The following MTMR6 variants were observed in gnomAD, a reference collection of about 807,000 sequenced individuals.
MTMR6 encodes phosphatidylinositol-3,5-bisphosphate 3-phosphatase MTMR6.
In MTMR6, 47 loss-of-function variants were observed where a neutral mutation model predicts 80.1. The observed-to-expected ratio is 0.59, with a 90% CI of 0.46 to 0.75. MTMR6 has a LOEUF of 0.75. MTMR6 is among the 30% of genes least tolerant of loss of function. The pLI, the probability that MTMR6 is intolerant of heterozygous loss-of-function variation, is 0.00. For synonymous variants in MTMR6, 254 were observed against 253.0 expected (o/e 1.00, Z -0.04); for missense variants, 629 against 730.9 (o/e 0.86, Z 1.61).
rs1957233645 is a variant in MTMR6 at position 25,257,339 on chromosome 13, A to G, written c.970-18T>C. The G allele has an allele frequency of 3.1e-6, 5 of 1,613,192 alleles. No individual in the cohort carries two copies. Among genetic ancestry groups the G allele is most frequent in the Non-Finnish European group, 4.2e-6 (5 of 1,179,494 alleles). On this transcript the variant is annotated intron_variant, in intron 8 of 13. Transcript: ENST00000381801. ...GTTATTGCCTGAAAAGAAAGATCAC[A>G]TACATTCTAGCGTACTTTAAGGTAA...
At chr13:25,260,205 G>A (rs7320098) in intron 6 of MTMR6, among the ~76,000 whole-genome samples, 101,730 of 148,736 alleles carry the variant, frequency 0.68, 37,874 homozygotes, top group Non-Finnish European at 0.84. Flanking sequence ...TTTCGCTCTT[G>A]TTGCCCAGGC....
At chr13:25,266,400 G>T in intron 3 of MTMR6, 114 bp from the exon 4 acceptor site, 1 of 858,702 alleles carries the variant, frequency 1.2e-6, no homozygotes, top group Non-Finnish European at 1.7e-6. Flanking sequence ...TCTTCAAAGA[G>T]ATGGCTAATA....
intron 1 of MTMR6, among the ~76,000 whole-genome samples, chr13:25,286,006 A>G (rs924310426): frequency 7.2e-5 from 11 of 152,116 alleles, no homozygotes; most frequent in African/African-American, 2.7e-4. Context: ...TCCTCTGTGC[A>G]CCTTCTACGA....
At chr13:25,257,012 C>T (rs558210948) in intron 9 of MTMR6, among the ~76,000 whole-genome samples, 184 bp downstream of exon 9, 21 of 152,192 alleles carry the variant, frequency 1.4e-4, no homozygotes, top group African/African-American at 4.6e-4. Flanking sequence ...TGAGGCTGAC[C>T]CCCCAGCAAA....
At chr13:25,257,956 C>A in intron 7 of MTMR6, 111 bp from the exon 8 acceptor site, 2 of 620,072 alleles carry the variant, frequency 3.2e-6, no homozygotes, top group Non-Finnish European at 5.3e-6. Context: ...AATAAACAGG[C>A]AAGACTCTAT....
intron 1 of MTMR6, among the ~76,000 whole-genome samples, chr13:25,278,146 A>T (rs1357686326): frequency 6.6e-6 from 1 of 152,208 alleles, no homozygotes; most frequent in Non-Finnish European, 1.5e-5. Context: ...CATTTCTTCT[A>T]ACTTTAACTC....
chr13:25,281,157 A>G (rs1336509896), intron 1 of MTMR6, among the ~76,000 whole-genome samples: 3 of 152,144 alleles, frequency 2.0e-5, no homozygotes, highest in African/African-American at 7.2e-5. Flanking sequence ...TGACACCCTC[A>G]TCTCTACAGA....
chr13:25,287,100 C>T, intron 1 of MTMR6, 124 bp downstream of exon 1: 1 of 1,407,854 alleles, frequency 7.1e-7, no homozygotes, highest in Non-Finnish European at 9.6e-7. Flanking sequence ...ACCCTCCCGC[C>T]CCGGGCCGGG....
At chr13:25,279,652 A>G (rs1044168194) in intron 1 of MTMR6, among the ~76,000 whole-genome samples, 17 of 152,210 alleles carry the variant, frequency 1.1e-4, no homozygotes, top group Non-Finnish European at 2.1e-4. Flanking sequence ...AGAAAGGAAG[A>G]AGGATGCGTA....
chr13:25,250,879 A>G (rs781148626), intron 13 of MTMR6, among the ~76,000 whole-genome samples: 12 of 152,240 alleles, frequency 7.9e-5, no homozygotes, highest in Non-Finnish European at 1.8e-4. Flanking sequence ...CATTATAGAT[A>G]GTCTTTGGTA....
At chr13:25,285,417 G>A (rs894382666) in intron 1 of MTMR6, among the ~76,000 whole-genome samples, 4 of 120,370 alleles carry the variant, frequency 3.3e-5, no homozygotes, top group African/African-American at 7.1e-5. Flanking sequence ...ATGTCACCCA[G>A]GCTGGAGGGC....
At chr13:25,268,239 T>A (rs1266350212) in intron 2 of MTMR6, among the ~76,000 whole-genome samples, 3 of 152,190 alleles carry the variant, frequency 2.0e-5, no homozygotes, top group Non-Finnish European at 4.4e-5. Context: ...CTAGTTGTAA[T>A]GTCCCCACTG....
Position 25,260,759 on chromosome 13 carries a change from A to C in MTMR6, c.726+909T>G, listed in dbSNP as rs1957315881. ...TTAATTATTTTAGTTTCAGGATCCT[A>C]TATGAACTGGTTGTTTAACTATGTT... On this transcript the variant is annotated intron_variant, in intron 6 of 13. Transcript: ENST00000381801. 4.6e-5 allele frequency: 31 copies of C among 673,562 alleles called. 1 individual carries two copies. In the South Asian group the frequency reaches 7.3e-4, roughly 16 times the overall value. The allele number at this position is 673,562 out of a possible 1,614,324, so 41.7% of individuals were successfully genotyped here.
intron 1 of MTMR6, among the ~76,000 whole-genome samples, chr13:25,285,446 C>A (rs1268331687): frequency 1.5e-5 from 2 of 136,388 alleles, no homozygotes; most frequent in African/African-American, 5.4e-5. Flanking sequence ...AATCTTGGCT[C>A]ACTGCAACCT....
chr13:25,281,238 A>G (rs1347070617), intron 1 of MTMR6, among the ~76,000 whole-genome samples: 1 of 151,992 alleles, frequency 6.6e-6, no homozygotes. Context: ...TTGGGAGGTA[A>G]AGGCAGGAGG....
At chr13:25,285,651 C>T (rs184292720) in intron 1 of MTMR6, among the ~76,000 whole-genome samples, 73 of 152,174 alleles carry the variant, frequency 4.8e-4, no homozygotes, top group African/African-American at 1.5e-3. Flanking sequence ...TCTCCTGCCT[C>T]AGCCTCTGAG....
At chr13:25,281,004 C>A (rs1351555333) in intron 1 of MTMR6, among the ~76,000 whole-genome samples, 1 of 152,110 alleles carries the variant, frequency 6.6e-6, no homozygotes, top group Non-Finnish European at 1.5e-5. Flanking sequence ...CACAGAGAAC[C>A]CCACACATAC....
Position 25,257,723 on chromosome 13 carries a change from G to GA in MTMR6, c.969+12dup, listed in dbSNP as rs766116585. 1.9e-6 allele frequency: 3 copies of GA among 1,579,804 alleles called. No individual in the cohort carries two copies. ...ATAGACCCCAAGACCAAATATGAAA[G>GA]ATAAAGTATTACTTTGGCCAAGAAG... is the stretch of plus-strand genomic sequence containing the variant. On this transcript the variant is annotated intron_variant, in intron 8 of 13. Coordinates refer to ENST00000381801, the MANE Select transcript of MTMR6 (RefSeq NM_004685.5).
chr13:25,275,300 T>C (rs1593155614), intron 1 of MTMR6, among the ~76,000 whole-genome samples: 1 of 151,934 alleles, frequency 6.6e-6, no homozygotes, highest in East Asian at 1.9e-4. Flanking sequence ...CACACGTCTG[T>C]AATCCCAGCT....
Sources: gnomAD v4.1 joint callset for allele counts (sites outside exome capture counted in the v4.1 genomes callset) on GRCh38, gnomAD v4.1.1 for gene constraint, MANE v1.5 for transcripts, NCBI Gene and HGNC (gene_info 2026-07-23, HGNC 2026-07-21) for gene names.